ARHGAP32: variants seen among roughly 807,000 people sequenced by gnomAD.
ARHGAP32 encodes the protein rho GTPase-activating protein 32.
A neutral mutation model predicts 186.5 loss-of-function variants in ARHGAP32; 51 were observed. The observed-to-expected ratio is 0.27, with a 90% confidence interval of 0.22 to 0.35. The LOEUF (loss-of-function observed/expected upper bound fraction) is 0.35, where lower values mean the gene tolerates loss of function less well. Among genes scored for constraint, ARHGAP32 ranks in the 10% least tolerant of loss-of-function variants. The pLI, the probability that ARHGAP32 is intolerant of heterozygous loss-of-function variation, is 1.00. For missense variants in ARHGAP32, 2,186 were observed against 2,623.5 expected (o/e 0.83, Z 3.64); for synonymous variants, 950 against 964.3 (o/e 0.99, Z 0.27).
chr11:129,174,746 G>A (rs1318861560), intron 1 of ARHGAP32, among the ~76,000 whole-genome samples: 5 of 152,074 alleles, frequency 3.3e-5, no homozygotes, highest in African/African-American at 1.2e-4. Context: ...CTGTTAGAAG[G>A]AAAACTAACA....
intron 1 of ARHGAP32, among the ~76,000 whole-genome samples, chr11:129,234,137 A>T (rs1320776136): frequency 2.0e-5 from 3 of 152,112 alleles, no homozygotes; most frequent in Non-Finnish European, 1.5e-5. Context: ...AACAAAGGCT[A>T]TTGCAATAAT....
intron 1 of ARHGAP32, among the ~76,000 whole-genome samples, chr11:129,276,566 C>T (rs1444619272): frequency 2.0e-5 from 3 of 152,132 alleles, no homozygotes; most frequent in Admixed American, 6.5e-5. Context: ...CTCTGCCTGC[C>T]AAAGCATTTG....
At chr11:129,064,976 T>A in intron 7 of ARHGAP32, 43 bp from the exon 8 acceptor site, 1 of 1,467,174 alleles carries the variant, frequency 6.8e-7, no homozygotes, top group Non-Finnish European at 9.3e-7. Context: ...AAAGATACTA[T>A]GCTCTCTGGC....
chr11:129,183,151 G>A (rs1271751544), intron 1 of ARHGAP32, among the ~76,000 whole-genome samples: 1 of 151,800 alleles, frequency 6.6e-6, no homozygotes, highest in Non-Finnish European at 1.5e-5. Context: ...TCCTATGAAC[G>A]TGGGTATATT....
intron 19 of ARHGAP32, among the ~76,000 whole-genome samples, chr11:128,977,772 G>A (rs573156186): frequency 3.9e-4 from 59 of 151,960 alleles, no homozygotes; most frequent in Non-Finnish European, 7.6e-4. Context: ...AACCTCCTGG[G>A]CTCAAGTAAT....
At chr11:129,276,479 T>G (rs1945533135) in intron 1 of ARHGAP32, among the ~76,000 whole-genome samples, 1 of 152,126 alleles carries the variant, frequency 6.6e-6, no homozygotes, top group South Asian at 2.1e-4. Context: ...GGTTTTTATT[T>G]GATTTTCTGT....
At chr11:129,193,689 TTATATA>T (rs1944343392), upstream of ARHGAP32, among the ~76,000 whole-genome samples, 1 of 24,420 alleles carries the variant, frequency 4.1e-5, no homozygotes, top group Admixed American at 8.4e-4. Flanking sequence ...ATAATATATA[TTATATA>T]ATATATAATA....
At chr11:129,094,065 G>A (rs188152028) in intron 5 of ARHGAP32, among the ~76,000 whole-genome samples, 47 of 152,184 alleles carry the variant, frequency 3.1e-4, no homozygotes, top group Admixed American at 2.4e-3. Flanking sequence ...GCCTATGGAC[G>A]TGTTTAATTT....
At chr11:129,036,715 G>A (rs1305331001) in intron 11 of ARHGAP32, among the ~76,000 whole-genome samples, 1 of 152,132 alleles carries the variant, frequency 6.6e-6, no homozygotes, top group Non-Finnish European at 1.5e-5. Context: ...AGAAACAGAA[G>A]GGAACTTTCT....
chr11:129,142,764 G>A (rs546897685), intron 2 of ARHGAP32, among the ~76,000 whole-genome samples: 5 of 151,182 alleles, frequency 3.3e-5, no homozygotes, highest in African/African-American at 9.7e-5. Flanking sequence ...AGTATAATAA[G>A]ACTTGATCAA....
intron 1 of ARHGAP32, among the ~76,000 whole-genome samples, chr11:129,256,652 T>C (rs956569634): frequency 1.7e-4 from 26 of 152,304 alleles, no homozygotes; most frequent in African/African-American, 6.0e-4. Flanking sequence ...ACTTCTGGAT[T>C]TGAAGTCGGA....
intron 1 of ARHGAP32, among the ~76,000 whole-genome samples, chr11:129,244,567 CA>C (rs1194573834): frequency 6.6e-6 from 1 of 152,012 alleles, no homozygotes; most frequent in Non-Finnish European, 1.5e-5. Context: ...ACACCAAAAG[CA>C]ATGGCAACAA....
At chr11:129,152,424 C>T (rs1156818559) in intron 2 of ARHGAP32, among the ~76,000 whole-genome samples, 2 of 151,912 alleles carry the variant, frequency 1.3e-5, no homozygotes, top group East Asian at 1.9e-4. Flanking sequence ...CAGGAAAGGA[C>T]ATAACAAAAA....
chr11:128,989,516 TCA>T (rs56090706), intron 12 of ARHGAP32, among the ~76,000 whole-genome samples: 4,692 of 138,866 alleles, frequency 0.034, 63 homozygotes, highest in African/African-American at 0.053. Context: ...GTTTTTTATT[TCA>T]CACACACACA....
chr11:129,086,927 G>A (rs891759776), intron 6 of ARHGAP32, among the ~76,000 whole-genome samples: 1 of 151,568 alleles, frequency 6.6e-6, no homozygotes, highest in Non-Finnish European at 1.5e-5. Flanking sequence ...TTAAAAAACA[G>A]GCAAAAGATT....
chr11:129,057,204 G>A (rs187613312), intron 10 of ARHGAP32, among the ~76,000 whole-genome samples: 9 of 152,276 alleles, frequency 5.9e-5, no homozygotes, highest in East Asian at 1.9e-4. Flanking sequence ...CTGTGCTCCA[G>A]TGTAACCTCC....
rs1022584557 is a variant in ARHGAP32 at position 129,003,075 on chromosome 11, C to T, written c.1046-4607G>A. On this transcript the variant is annotated intron_variant, in intron 11 of 22. Coordinates refer to ENST00000682385, the MANE Select transcript of ARHGAP32 (RefSeq NM_001378024.1). Reference sequence around the variant, plus strand: ...CCTCCCAAAGTGCTGGGATTACAGGCGTGAGCCACCGTGCCCGGCCAAGGG... The same window carrying T: ...CCTCCCAAAGTGCTGGGATTACAGGTGTGAGCCACCGTGCCCGGCCAAGGG... 5.9e-5 allele frequency among the ~76,000 whole-genome samples: 9 copies of T among 152,276 alleles called. No homozygotes were observed. In the South Asian group the frequency reaches 8.3e-4, roughly 14 times the overall value.
intron 11 of ARHGAP32, among the ~76,000 whole-genome samples, chr11:129,031,846 G>A (rs1939126682): frequency 6.6e-6 from 1 of 152,184 alleles, no homozygotes; most frequent in South Asian, 2.1e-4. Context: ...CAGCAGAGCA[G>A]TAGAGCCGTA....
At chr11:129,093,107 C>T (rs117233668) in intron 6 of ARHGAP32, among the ~76,000 whole-genome samples, 140 of 151,956 alleles carry the variant, frequency 9.2e-4, no homozygotes, top group Non-Finnish European at 1.5e-3. Flanking sequence ...ATTGTTACAC[C>T]GAAGAGAAAC....
Sources: gnomAD v4.1 joint callset for allele counts (sites outside exome capture counted in the v4.1 genomes callset) on GRCh38, gnomAD v4.1.1 for gene constraint, MANE v1.5 for transcripts, NCBI Gene and HGNC (gene_info 2026-07-23, HGNC 2026-07-21) for gene names.